TESMIN: variants seen among roughly 807,000 people sequenced by gnomAD.
The protein encoded by TESMIN is testis expressed metallothionein like protein.
A neutral mutation model predicts 47.4 loss-of-function variants in TESMIN; 34 were observed. That is an observed-to-expected ratio of 0.72 (90% CI 0.55 to 0.96). TESMIN has a LOEUF of 0.96. Ranked by LOEUF, TESMIN falls within the 40% of genes least tolerant of loss-of-function variation. TESMIN has a pLI of 0.00. For missense variants in TESMIN, 610 were observed against 637.2 expected, an observed-to-expected ratio of 0.96 and a Z score of 0.46; for synonymous variants, 278 against 258.9, an observed-to-expected ratio of 1.07 and a Z score of -0.71.
intron 6 of TESMIN, among the ~76,000 whole-genome samples, chr11:68,732,270 G>A (rs981488606): frequency 2.0e-5 from 3 of 152,140 alleles, no homozygotes; most frequent in South Asian, 2.1e-4. Context: ...TACATGTGTC[G>A]GTCACCAATT....
At chr11:68,727,864 A>G (rs1288000120) in intron 6 of TESMIN, among the ~76,000 whole-genome samples, 2 of 152,154 alleles carry the variant, frequency 1.3e-5, no homozygotes, top group Non-Finnish European at 2.9e-5. Flanking sequence ...ACTAAGTGTA[A>G]TTGTTTTGGA....
At chr11:68,709,808 G>A (rs1946041572) in intron 9 of TESMIN, among the ~76,000 whole-genome samples, 1 of 152,088 alleles carries the variant, frequency 6.6e-6, no homozygotes, top group Non-Finnish European at 1.5e-5. Context: ...TGCTGCAGGC[G>A]ATGACATTTT....
intron 5 of TESMIN, among the ~76,000 whole-genome samples, chr11:68,740,188 G>A (rs147932679): frequency 2.0e-5 from 3 of 152,244 alleles, no homozygotes; most frequent in African/African-American, 7.2e-5. Flanking sequence ...TGAATCCCAG[G>A]TTTGGGGTGG....
chr11:68,738,715 T>C lies in TESMIN; in HGVS notation c.902A>G (p.Lys301Arg). The C allele has an allele frequency of 6.2e-7, 1 of 1,614,020 alleles. No individual in the cohort carries two copies. The highest frequency in any genetic ancestry group is 8.5e-7 in the Non-Finnish European group (1 of 1,179,942). Residue 301 changes from lysine (K) to arginine (R), a missense_variant, in exon 6 of 10, where the codon AAA becomes AGA. Lys to Arg is a conservative substitution (Grantham distance 26, BLOSUM62 2). Transcript: ENST00000255087. Reference sequence around the variant, plus strand: ...TAATCCTTACCCAGCCAAAGTTATTTTTGGTGGTCCTGGAAGAGTTGATCC... The same window carrying C: ...TAATCCTTACCCAGCCAAAGTTATTCTTGGTGGTCCTGGAAGAGTTGATCC... ...PSGSTLPGPP[K>R]ITLAGYCDCF...
chr11:68,718,613 G>GTT (rs1222309287), intron 6 of TESMIN, among the ~76,000 whole-genome samples: 2 of 152,226 alleles, frequency 1.3e-5, no homozygotes, highest in African/African-American at 4.8e-5. Context: ...ATGAGTTTCT[G>GTT]AAGGGAAAGG....
At chr11:68,729,571 G>GGA (rs1946304453) in intron 6 of TESMIN, among the ~76,000 whole-genome samples, 1 of 152,084 alleles carries the variant, frequency 6.6e-6, no homozygotes, top group African/African-American at 2.4e-5. Context: ...TGGCTTTGTG[G>GGA]GGTTCAAGAC....
At chr11:68,750,757 C>T (rs1285195715) in intron 1 of TESMIN, 58 bp from the exon 2 acceptor site, 1 of 521,162 alleles carries the variant, frequency 1.9e-6, no homozygotes, top group Non-Finnish European at 2.6e-6. Context: ...GAGGGGCGGC[C>T]AGGAAAGGGG....
rs1469820317 is a variant in TESMIN, at chr11:68,713,164, A to G, written c.1158+106T>C. The G allele has an allele frequency of 6.0e-6, 7 of 1,166,940 alleles. 1 individual carries two copies. The highest frequency in any genetic ancestry group is 2.7e-5 in the East Asian group (1 of 36,514). 72.3% of individuals were successfully genotyped at this position (1,166,940 alleles called of 1,614,324 possible). ...CTAGAAACTCTGGAAGAAAAAAATA[A>G]TTATATTTATCTTTTTAAATTACAG... On this transcript the variant is annotated intron_variant, in intron 8 of 9. Coordinates refer to ENST00000255087, the MANE Select transcript of TESMIN (RefSeq NM_004923.3).
chr11:68,742,755 G>A (rs1166950630), intron 4 of TESMIN, among the ~76,000 whole-genome samples: 2 of 152,112 alleles, frequency 1.3e-5, no homozygotes, highest in East Asian at 1.9e-4. Flanking sequence ...ATAGGGTCTC[G>A]CTATGTTGCG....
At position 68,742,394 on chromosome 11, in the gene TESMIN, T is replaced by C; in HGVS notation, c.752A>G (p.Asp251Gly). ...TAAAGCAGTCATTGGTTTAGGGACA[T>C]CTGTAAGGAAGATAATTAAAAATTA... ...YQDQNNYLQS[D>G]VPKPMTALVG... The change falls in exon 5 of 10, where the codon GAT becomes GGT. Residue 251 changes from aspartate to glycine, a missense_variant and splice_region_variant. By Grantham distance (94) the Asp-to-Gly change is moderately conservative. Transcript: ENST00000255087. 1.3e-6 allele frequency: 2 copies of C among 1,571,560 alleles called. No homozygotes were observed. The highest frequency in any genetic ancestry group is 1.7e-6 in the Non-Finnish European group (2 of 1,153,334).
At chr11:68,726,000 G>A (rs764559897) in intron 6 of TESMIN, among the ~76,000 whole-genome samples, 1 of 152,164 alleles carries the variant, frequency 6.6e-6, no homozygotes, top group Non-Finnish European at 1.5e-5. Flanking sequence ...AACCAAAGGC[G>A]CTGGTTTTAA....
At chr11:68,728,467 A>G (rs954210817) in intron 6 of TESMIN, among the ~76,000 whole-genome samples, 1 of 152,256 alleles carries the variant, frequency 6.6e-6, no homozygotes, top group Non-Finnish European at 1.5e-5. Flanking sequence ...CCATAACGGA[A>G]AAGTACAAGG....
At chr11:68,723,398 T>C (rs2153991267) in intron 6 of TESMIN, among the ~76,000 whole-genome samples, 1 of 149,012 alleles carries the variant, frequency 6.7e-6, no homozygotes, top group Non-Finnish European at 1.5e-5. Flanking sequence ...GTACTGCATA[T>C]CAACTCTTGT....
At chr11:68,728,569 G>A (rs1555223787) in intron 6 of TESMIN, among the ~76,000 whole-genome samples, 1 of 152,254 alleles carries the variant, frequency 6.6e-6, no homozygotes, top group Non-Finnish European at 1.5e-5. Flanking sequence ...TGAACAACAG[G>A]TTTTCAGTGT....
chr11:68,704,970 T>C (rs1425536959), downstream of TESMIN, among the ~76,000 whole-genome samples: 1 of 152,190 alleles, frequency 6.6e-6, no homozygotes, highest in Non-Finnish European at 1.5e-5. Flanking sequence ...GGCCGGGCAG[T>C]GCTCCCTGTG....
chr11:68,745,979 T>G (rs537286351), intron 3 of TESMIN, among the ~76,000 whole-genome samples: 3 of 152,346 alleles, frequency 2.0e-5, no homozygotes, highest in African/African-American at 7.2e-5. Flanking sequence ...CTGTGCTTTA[T>G]ACACTTAAGT....
intron 9 of TESMIN, among the ~76,000 whole-genome samples, chr11:68,710,112 C>T (rs960936721): frequency 1.3e-5 from 2 of 152,100 alleles, no homozygotes. Flanking sequence ...GAGCTGTGAT[C>T]GCACCACTGC....
At chr11:68,742,272 G>T in intron 5 of TESMIN, 46 bp downstream of exon 5, 1 of 1,164,802 alleles carries the variant, frequency 8.6e-7, no homozygotes, top group Non-Finnish European at 1.2e-6. Flanking sequence ...AATTTTAAGA[G>T]ACAATAATGC....
At position 68,744,864 on chromosome 11, in the gene TESMIN, A is replaced by G. The variant is rs541509436; in HGVS notation, c.751+127T>C. ...TTATATTCTTAGCTTACTAATATGG[A>G]CTACGAGGTTTGCCAAATTTCCTAT... On this transcript the variant is annotated intron_variant, in intron 4 of 9. Coordinates refer to ENST00000255087, the MANE Select transcript of TESMIN (RefSeq NM_004923.3). 1.3e-5 allele frequency: 9 copies of G among 697,180 alleles called. No individual in the cohort carries two copies. In the East Asian group the frequency reaches 2.6e-4, roughly 20 times the overall value. The allele number at this position is 697,180 out of a possible 1,614,324, so 43.2% of individuals were successfully genotyped here.
Sources: allele counts gnomAD v4.1 joint callset (sites outside exome capture counted in the v4.1 genomes callset), GRCh38; gene constraint gnomAD v4.1.1; transcripts MANE v1.5; gene names NCBI Gene and HGNC (gene_info 2026-07-23, HGNC 2026-07-21).